The following SLC27A2 variants were observed in gnomAD, a reference collection of about 807,000 sequenced individuals.
SLC27A2 encodes solute carrier family 27 member 2.
A neutral mutation model predicts 60.0 loss-of-function variants in SLC27A2; 54 were observed. The ratio of observed to expected loss-of-function variants is 0.90; its 90% CI spans 0.72 to 1.13. The LOEUF (loss-of-function observed/expected upper bound fraction) is 1.13, where lower values mean the gene tolerates loss of function less well. Among genes scored for constraint, SLC27A2 ranks in the 50% most tolerant of loss-of-function variants. The pLI is 0.00. For missense variants in SLC27A2, 739 were observed against 777.6 expected (o/e 0.95, Z 0.59); for synonymous variants, 297 against 297.6 (o/e 1.00, Z 0.02).
chr15:50,208,790 T>A (rs1481722267), intron 4 of SLC27A2, among the ~76,000 whole-genome samples: 3 of 152,252 alleles, frequency 2.0e-5, no homozygotes, highest in Non-Finnish European at 2.9e-5. Flanking sequence ...TTTTGCCGTC[T>A]TCCCGCATTG....
At chr15:50,215,307 A>G (rs1474697725) in intron 4 of SLC27A2, among the ~76,000 whole-genome samples, 6 of 152,198 alleles carry the variant, frequency 3.9e-5, no homozygotes, top group Admixed American at 3.9e-4. Context: ...GCTGAAAGTA[A>G]TCATAAACTA....
At chr15:50,226,334 G>A (rs1423518645) in intron 6 of SLC27A2, among the ~76,000 whole-genome samples, 1 of 152,206 alleles carries the variant, frequency 6.6e-6, no homozygotes, top group Non-Finnish European at 1.5e-5. Context: ...ATATGTAATT[G>A]TGGTTGCAAA....
At chr15:50,201,637 C>G (rs1400046961) in intron 2 of SLC27A2, among the ~76,000 whole-genome samples, 1 of 151,678 alleles carries the variant, frequency 6.6e-6, no homozygotes, top group Non-Finnish European at 1.5e-5. Flanking sequence ...CTCACTGCAA[C>G]CTTTGCCTCC....
rs1484940451 is a variant in SLC27A2 at position 50,216,634 on chromosome 15, A to G, written c.973-6331A>G. Among the ~76,000 whole-genome samples the G allele has an allele frequency of 6.6e-4, 86 of 130,188 alleles. 5 individuals carry two copies. Among genetic ancestry groups the G allele is most frequent in the Non-Finnish European group, 7.6e-4 (45 of 59,538 alleles). The allele number at this position is 130,188 out of a possible 152,430, so 85.4% of individuals were successfully genotyped here. A position where few individuals can be genotyped will look rare whatever the true frequency, so the allele number is the denominator to read the frequency against. Reference sequence around the variant, plus strand: ...TGTATATATATATATATATATATATATATATATATATATATATATATAGTA... The same window carrying G: ...TGTATATATATATATATATATATATGTATATATATATATATATATATAGTA... On this transcript the variant is annotated intron_variant, in intron 4 of 9. Transcript: ENST00000267842.
chr15:50,230,957 C>T (rs1595693555), intron 8 of SLC27A2, among the ~76,000 whole-genome samples: 1 of 152,012 alleles, frequency 6.6e-6, no homozygotes, highest in East Asian at 1.9e-4. Flanking sequence ...TTTCTCAGGC[C>T]CACCCCGAAC....
intron 9 of SLC27A2, among the ~76,000 whole-genome samples, chr15:50,234,570 G>C (rs987820630): frequency 6.9e-6 from 1 of 145,108 alleles, no homozygotes; most frequent in Non-Finnish European, 1.5e-5. Context: ...CTGAGCAATG[G>C]AGTGAGACTC....
intron 4 of SLC27A2, among the ~76,000 whole-genome samples, chr15:50,214,293 C>T (rs1035521606): frequency 1.3e-5 from 2 of 151,986 alleles, no homozygotes; most frequent in Non-Finnish European, 2.9e-5. Flanking sequence ...CTGGAACAGA[C>T]CAATAACAAG....
chr15:50,219,398 T>C (rs1472572212), intron 4 of SLC27A2, among the ~76,000 whole-genome samples: 1 of 152,170 alleles, frequency 6.6e-6, no homozygotes, highest in Admixed American at 6.5e-5. Flanking sequence ...TCTTACACTA[T>C]GTGTGTGGCA....
intron 3 of SLC27A2, among the ~76,000 whole-genome samples, chr15:50,203,332 G>C (rs1012693589): frequency 6.6e-6 from 1 of 151,606 alleles, no homozygotes; most frequent in Non-Finnish European, 1.5e-5. Flanking sequence ...CATTTCCACA[G>C]CTTTTCAGCT....
intron 1 of SLC27A2, among the ~76,000 whole-genome samples, chr15:50,186,507 G>A (rs1387503924): frequency 1.3e-5 from 2 of 152,144 alleles, no homozygotes; most frequent in East Asian, 1.9e-4. Flanking sequence ...GCGCGATCTC[G>A]ACTCACGGCA....
At chr15:50,202,308 C>T (rs866824838) in intron 2 of SLC27A2, among the ~76,000 whole-genome samples, 179 bp from the exon 3 acceptor site, 8 of 152,218 alleles carry the variant, frequency 5.3e-5, no homozygotes, top group Admixed American at 3.3e-4. Flanking sequence ...AATCCCAAAA[C>T]ATTTACTCCC....
intron 1 of SLC27A2, among the ~76,000 whole-genome samples, chr15:50,189,891 G>T (rs2044959823): frequency 2.0e-5 from 3 of 152,112 alleles, no homozygotes. Flanking sequence ...TTTGATTCCA[G>T]GGCTATTTAG....
rs370957793 is a variant in SLC27A2 at position 50,222,918 on chromosome 15, G to C, written c.973-47G>C. 5.7e-6 allele frequency: 8 copies of C among 1,411,730 alleles called. No individual in the cohort carries two copies. In the East Asian group the frequency reaches 1.9e-4, roughly 33 times the overall value. 87.5% of individuals were successfully genotyped at this position (1,411,730 alleles called of 1,614,324 possible). ...GGCAATTATTAATATGTAAGCATAG[G>C]CTCCAGAGATGTTTCAGTTTGGTCT... On this transcript the variant is annotated intron_variant, in intron 4 of 9. Coordinates refer to ENST00000267842, the MANE Select transcript of SLC27A2 (RefSeq NM_003645.4).
Position 50,196,069 on chromosome 15 carries a change from AAAAAAAAAATATATATATATATATATAT to A in SLC27A2, c.479-1429_479-1402del, listed in dbSNP as rs1435612726. On this transcript the variant is annotated intron_variant, in intron 1 of 9. Coordinates refer to ENST00000267842, the MANE Select transcript of SLC27A2 (RefSeq NM_003645.4). The stretch of plus-strand genomic sequence containing the variant: ...ACTCTGTCTCAAAAAAAAAAAAAAA[AAAAAAAAAATATATATATATATATATAT>A]ATATATATATATATATATATATATA... 8.4e-3 allele frequency among the ~76,000 whole-genome samples: 227 copies of A among 26,952 alleles called. 28 individuals carry two copies. Among genetic ancestry groups the A allele is most frequent in the African/African-American group, 0.023 (216 of 9,478 alleles). 17.7% of individuals were successfully genotyped at this position (26,952 alleles called of 152,430 possible).
At position 50,236,300 on chromosome 15, in the gene SLC27A2, CTGTT is replaced by C; in HGVS notation, c.*208_*211del. The C allele has an allele frequency of 4.7e-6, 2 of 425,158 alleles. No individual in the cohort carries two copies. Among genetic ancestry groups the C allele is most frequent in the South Asian group, 1.5e-4 (2 of 13,372 alleles). The allele number at this position is 425,158 out of a possible 1,614,324, so 26.3% of individuals were successfully genotyped here. ...ATTATTATTTTTCAGTGTGCACCTA[CTGTT>C]TGTATTTGCAAACTGAGCTTGTTGG... On this transcript the variant is annotated 3_prime_UTR_variant, in exon 10 of 10. Transcript: ENST00000267842.
chr15:50,221,557 T>C (rs2140910728), intron 4 of SLC27A2, among the ~76,000 whole-genome samples: 1 of 152,382 alleles, frequency 6.6e-6, no homozygotes, highest in South Asian at 2.1e-4. Flanking sequence ...TTAATTGCCA[T>C]GCCAAAGTCC....
At chr15:50,208,749 A>G (rs891209666) in intron 4 of SLC27A2, among the ~76,000 whole-genome samples, 1 of 152,192 alleles carries the variant, frequency 6.6e-6, no homozygotes, top group African/African-American at 2.4e-5. Context: ...GACTTAAGTG[A>G]TTTTTAAAAT....
At chr15:50,196,066 AAAAAAAAAAAAATATATATATAT>A (rs2045015363) in intron 1 of SLC27A2, among the ~76,000 whole-genome samples, 1 of 23,772 alleles carries the variant, frequency 4.2e-5, no homozygotes, top group Non-Finnish European at 8.9e-5. Context: ...AAAAAAAAAA[AAAAAAAAAAAAATATATATATAT>A]ATATATATAT....
At chr15:50,202,231 A>G (rs1345881088) in intron 2 of SLC27A2, among the ~76,000 whole-genome samples, 1 of 152,162 alleles carries the variant, frequency 6.6e-6, no homozygotes, top group African/African-American at 2.4e-5. Context: ...CCATTTATGT[A>G]TGTGTATGGC....
Sources: allele counts gnomAD v4.1 joint callset (sites outside exome capture counted in the v4.1 genomes callset), GRCh38; gene constraint gnomAD v4.1.1; transcripts MANE v1.5; gene names NCBI Gene and HGNC (gene_info 2026-07-23, HGNC 2026-07-21).